The following SLC41A2 variants were observed in gnomAD, a reference collection of about 807,000 sequenced individuals.
SLC41A2 encodes SLC41A1-like 1.
SLC41A2 carries 32 observed loss-of-function variants against 58.3 expected under a neutral mutation model. That is an observed-to-expected ratio of 0.55 (90% CI 0.41 to 0.74). The LOEUF (loss-of-function observed/expected upper bound fraction) is 0.74. Among genes scored for constraint, SLC41A2 ranks in the 30% least tolerant of loss-of-function variants. The pLI is 0.00. For synonymous variants in SLC41A2, 190 were observed against 235.0 expected, an observed-to-expected ratio of 0.81 and a Z score of 1.75; for missense variants, 514 against 680.6, an observed-to-expected ratio of 0.76 and a Z score of 2.72.
intron 2 of SLC41A2, among the ~76,000 whole-genome samples, chr12:104,910,467 C>G (rs2046033786): frequency 6.6e-6 from 1 of 152,140 alleles, no homozygotes; most frequent in South Asian, 2.1e-4. Flanking sequence ...AATATCCACC[C>G]TATCTAGTCT....
intron 3 of SLC41A2, among the ~76,000 whole-genome samples, chr12:104,895,615 G>T (rs2045239878): frequency 6.6e-6 from 1 of 152,088 alleles, no homozygotes; most frequent in South Asian, 2.1e-4. Flanking sequence ...ACTCACTGAT[G>T]TTATCTTACA....
intron 1 of SLC41A2, among the ~76,000 whole-genome samples, chr12:104,938,636 A>G (rs1243330266): frequency 6.6e-6 from 1 of 152,198 alleles, no homozygotes; most frequent in Non-Finnish European, 1.5e-5. Context: ...CAAGACAACG[A>G]CAGATGGAGA....
In SLC41A2 at chr12:104,803,034, C is replaced by G. The variant is rs1220019183; in HGVS notation, c.*2118G>C. ...ATAGGAATATCCATCTGATATATTT[C>G]ACAGGTACTACTGTGAGTATTAAAT... On this transcript the variant is annotated 3_prime_UTR_variant, in exon 11 of 11. Transcript: ENST00000258538. 6.6e-6 allele frequency: 1 copy of G among 152,074 alleles called. No homozygotes were observed. The highest frequency in any genetic ancestry group is 1.5e-5 in the Non-Finnish European group (1 of 68,008). 9.4% of individuals were successfully genotyped at this position (152,074 alleles called of 1,614,324 possible).
chr12:104,827,179 G>A (rs2041875843), intron 10 of SLC41A2, among the ~76,000 whole-genome samples: 1 of 152,192 alleles, frequency 6.6e-6, no homozygotes, highest in Non-Finnish European at 1.5e-5. Flanking sequence ...CTTATCTCTT[G>A]ATTCAGTTGA....
intron 10 of SLC41A2, among the ~76,000 whole-genome samples, chr12:104,823,711 G>A (rs1177271592): frequency 6.6e-6 from 1 of 152,122 alleles, no homozygotes. Flanking sequence ...GATAGGCAAA[G>A]ATTTCTTAGG....
At chr12:104,810,421 T>C (rs9669285) in intron 10 of SLC41A2, among the ~76,000 whole-genome samples, 22,141 of 152,036 alleles carry the variant, frequency 0.15, 1,720 homozygotes, top group Admixed American at 0.18. Flanking sequence ...TAATATTACA[T>C]GTTTACATAT....
intron 6 of SLC41A2, among the ~76,000 whole-genome samples, chr12:104,884,147 C>T (rs926652205): frequency 1.3e-5 from 2 of 152,244 alleles, no homozygotes; most frequent in African/African-American, 4.8e-5. Flanking sequence ...ACCCACCAAG[C>T]CAAGTGTGGG....
intron 8 of SLC41A2, among the ~76,000 whole-genome samples, chr12:104,851,000 A>T (rs2042777643): frequency 6.6e-6 from 1 of 152,212 alleles, no homozygotes; most frequent in African/African-American, 2.4e-5. Flanking sequence ...CACCTCAGTC[A>T]CTTGCTATGA....
At chr12:104,927,415 T>C (rs2046885446) in intron 2 of SLC41A2, among the ~76,000 whole-genome samples, 1 of 152,178 alleles carries the variant, frequency 6.6e-6, no homozygotes, top group East Asian at 1.9e-4. Context: ...AGATGTATTA[T>C]TAAGCAATGA....
chr12:104,885,210 C>A (rs1389177590), intron 6 of SLC41A2, among the ~76,000 whole-genome samples: 2 of 152,178 alleles, frequency 1.3e-5, no homozygotes, highest in Non-Finnish European at 2.9e-5. Context: ...AAAGTGGATG[C>A]AACCTTATCT....
chr12:104,859,588 A>G (rs2043133298), intron 8 of SLC41A2, among the ~76,000 whole-genome samples: 1 of 152,200 alleles, frequency 6.6e-6, no homozygotes, highest in Admixed American at 6.5e-5. Flanking sequence ...GAATGGTGGC[A>G]TGAAGAGAGA....
At chr12:104,848,005 AT>A (rs1400578456) in intron 8 of SLC41A2, among the ~76,000 whole-genome samples, 2 of 152,206 alleles carry the variant, frequency 1.3e-5, no homozygotes, top group Non-Finnish European at 2.9e-5. Context: ...TCTAAATTAC[AT>A]TTTTAGAACA....
At chr12:104,948,586 A>C (rs1168124557) in intron 1 of SLC41A2, among the ~76,000 whole-genome samples, 1 of 152,208 alleles carries the variant, frequency 6.6e-6, no homozygotes, top group African/African-American at 2.4e-5. Flanking sequence ...TAATATGCCC[A>C]AAGTTACAAC....
chr12:104,917,831 G>C (rs1171925767), intron 2 of SLC41A2, among the ~76,000 whole-genome samples: 2 of 14,148 alleles, frequency 1.4e-4, no homozygotes, highest in African/African-American at 3.4e-4. Flanking sequence ...TGGGGTGGGG[G>C]GAGGGGGGAC....
chr12:104,843,423 T>C (rs1370908760), intron 10 of SLC41A2, among the ~76,000 whole-genome samples: 1 of 152,098 alleles, frequency 6.6e-6, no homozygotes, highest in African/African-American at 2.4e-5. Context: ...AGGGTTTTGT[T>C]ATTTTAAGGA....
chr12:104,855,019 T>C (rs1023906011), intron 8 of SLC41A2, among the ~76,000 whole-genome samples: 3 of 152,186 alleles, frequency 2.0e-5, no homozygotes, highest in Non-Finnish European at 4.4e-5. Context: ...CCATCTCTCA[T>C]GCATCCTTGA....
chr12:104,934,190 AG>A (rs11336097), intron 1 of SLC41A2, among the ~76,000 whole-genome samples: 14,728 of 152,214 alleles, frequency 0.097, 1,127 homozygotes, highest in East Asian at 0.26. Flanking sequence ...TGGAAAAAAA[AG>A]TAAATTAAAA....
chr12:104,955,771 G>T lies in SLC41A2; in HGVS notation c.-168+2317C>A, dbSNP rs1418557620. Among the ~76,000 whole-genome samples the T allele has an allele frequency of 3.6e-5, 5 of 138,958 alleles. No individual in the cohort carries two copies. In the East Asian group the frequency reaches 6.3e-4, roughly 18 times the overall value. The allele number at this position is 138,958 out of a possible 152,430, so 91.2% of individuals were successfully genotyped here. A position where few individuals can be genotyped will look rare whatever the true frequency, so the allele number is the denominator to read the frequency against. On this transcript the variant is annotated intron_variant, in intron 1 of 10. Coordinates refer to ENST00000258538, the MANE Select transcript of SLC41A2 (RefSeq NM_001352171.3). ...CTTTTTAGTGGTTTTTTTTTTTTTG[G>T]CCATGAAAGACCTGATGCTGAATTT...
intron 1 of SLC41A2, among the ~76,000 whole-genome samples, chr12:104,932,523 G>A (rs949295249): frequency 1.5e-4 from 23 of 151,414 alleles, no homozygotes; most frequent in African/African-American, 5.3e-4. Context: ...TACTCGGGAG[G>A]CTGAGGTGGG....
Sources: allele counts gnomAD v4.1 joint callset (sites outside exome capture counted in the v4.1 genomes callset), GRCh38; gene constraint gnomAD v4.1.1; transcripts MANE v1.5; gene names NCBI Gene and HGNC (gene_info 2026-07-23, HGNC 2026-07-21).